The following RBFOX3 variants were observed in gnomAD, a reference collection of about 807,000 sequenced individuals.
The protein encoded by RBFOX3 is RNA binding protein fox-1 homolog 3.
RBFOX3 carries 17 observed loss-of-function variants against 48.7 expected under a neutral mutation model. The observed-to-expected ratio is 0.35, with a 90% confidence interval of 0.24 to 0.52. The LOEUF is 0.52. Among genes scored for constraint, RBFOX3 ranks in the 20% least tolerant of loss-of-function variants. The pLI is 0.94. For synonymous variants in RBFOX3, 212 were observed against 209.5 expected (o/e 1.01, Z -0.10); for missense variants, 382 against 497.5 (o/e 0.77, Z 2.21).
intron 11 of RBFOX3, 74 bp from the exon 12 acceptor site, chr17:79,096,907 C>T: frequency 1.6e-6 from 1 of 611,544 alleles, no homozygotes; most frequent in South Asian, 1.9e-5. Flanking sequence ...GGGCCCATAG[C>T]CCACCCGACC....
At chr17:79,585,308 C>A (rs1242594707) in intron 1 of RBFOX3, among the ~76,000 whole-genome samples, 2 of 151,976 alleles carry the variant, frequency 1.3e-5, no homozygotes, top group Non-Finnish European at 2.9e-5. Context: ...GTAATCCCAG[C>A]AATCTGGGAG....
chr17:79,153,867 C>T (rs1408695080), intron 4 of RBFOX3, among the ~76,000 whole-genome samples: 1 of 152,170 alleles, frequency 6.6e-6, no homozygotes, highest in Non-Finnish European at 1.5e-5. Context: ...GGCCTGAGCC[C>T]CGGCTGCCCA....
At chr17:79,275,199 C>G (rs2068560935) in intron 3 of RBFOX3, among the ~76,000 whole-genome samples, 1 of 89,072 alleles carries the variant, frequency 1.1e-5, no homozygotes, top group African/African-American at 4.9e-5. Context: ...ATGCTCCTCC[C>G]CTGGCCTCAT....
At chr17:79,520,291 AG>A (rs2085874413) in intron 1 of RBFOX3, among the ~76,000 whole-genome samples, 1 of 152,196 alleles carries the variant, frequency 6.6e-6, no homozygotes, top group Non-Finnish European at 1.5e-5. Context: ...GGTGGGACGC[AG>A]GCTGCTCCCC....
At chr17:79,517,607 G>A (rs2085442434) in intron 1 of RBFOX3, among the ~76,000 whole-genome samples, 2 of 152,084 alleles carry the variant, frequency 1.3e-5, no homozygotes, top group African/African-American at 4.8e-5. Flanking sequence ...ACTCAGCAGG[G>A]AGAGAGATTG....
chr17:79,552,694 G>A (rs1327583962), intron 1 of RBFOX3, among the ~76,000 whole-genome samples: 1 of 152,172 alleles, frequency 6.6e-6, no homozygotes, highest in East Asian at 1.9e-4. Flanking sequence ...GTTTATCGAG[G>A]TGTAAAAAAT....
At chr17:79,322,591 G>A (rs2078694607) in intron 2 of RBFOX3, among the ~76,000 whole-genome samples, 1 of 152,216 alleles carries the variant, frequency 6.6e-6, no homozygotes, top group Non-Finnish European at 1.5e-5. Flanking sequence ...CAAAGGCAAT[G>A]GTGGCCAAGC....
chr17:79,336,260 G>A (rs570609074), intron 2 of RBFOX3, among the ~76,000 whole-genome samples: 4 of 152,098 alleles, frequency 2.6e-5, no homozygotes, highest in East Asian at 3.9e-4. Flanking sequence ...GGTGGTATAC[G>A]TCTGTACTCC....
chr17:79,631,771 G>A, the RBFOX3 span, among the ~76,000 whole-genome samples: 3,179 of 152,280 alleles, frequency 0.021, 98 homozygotes, highest in African/African-American at 0.062. Flanking sequence ...CCATCTTCAC[G>A]GGCCTAGCTC....
intron 4 of RBFOX3, among the ~76,000 whole-genome samples, chr17:79,165,586 C>A (rs986205378): frequency 3.3e-5 from 5 of 152,254 alleles, no homozygotes; most frequent in Non-Finnish European, 7.3e-5. Flanking sequence ...AAATCCCATT[C>A]TCAGTGCTCT....
intron 2 of RBFOX3, among the ~76,000 whole-genome samples, chr17:79,323,196 G>C (rs1259867329): frequency 6.6e-6 from 1 of 152,208 alleles, no homozygotes; most frequent in African/African-American, 2.4e-5. Context: ...TGATGCTGGT[G>C]AAAGACACAG....
chr17:79,660,817 GATAC>G, the RBFOX3 span, among the ~76,000 whole-genome samples: 1 of 152,180 alleles, frequency 6.6e-6, no homozygotes, highest in Non-Finnish European at 1.5e-5. Context: ...CTATTATAAA[GATAC>G]ATGCACGTGT....
intron 2 of RBFOX3, among the ~76,000 whole-genome samples, chr17:79,468,660 T>A (rs2076636706): frequency 6.8e-6 from 1 of 146,552 alleles, no homozygotes; most frequent in Non-Finnish European, 1.5e-5. Flanking sequence ...GATGAATGGA[T>A]GGATGGATAG....
Position 79,582,739 on chromosome 17 carries a change from C to A in RBFOX3, c.-320+28087G>T, listed in dbSNP as rs997382022. 7.3e-4 allele frequency among the ~76,000 whole-genome samples: 105 copies of A among 143,266 alleles called. No homozygotes were observed. The East Asian group carries it at 0.019, about 25-fold the overall frequency. The allele number at this position is 143,266 out of a possible 152,430, so 94.0% of individuals were successfully genotyped here. A position where few individuals can be genotyped will look rare whatever the true frequency, so the allele number is the denominator to read the frequency against. On this transcript the variant is annotated intron_variant, in intron 1 of 14. Transcript: ENST00000693108. Reference sequence around the variant, plus strand: ...TTGAGGCTACAGTGAGCCATGATCGCGCCACTGCACTCCAGCCTGGGAGAC... The same window carrying A: ...TTGAGGCTACAGTGAGCCATGATCGAGCCACTGCACTCCAGCCTGGGAGAC...
chr17:79,619,836 A>T, the RBFOX3 span, among the ~76,000 whole-genome samples: 2 of 152,136 alleles, frequency 1.3e-5, no homozygotes, highest in Non-Finnish European at 2.9e-5. Flanking sequence ...CCTCTACTGG[A>T]AAACATCCTT....
At chr17:79,277,279 C>A (rs9900179) in intron 3 of RBFOX3, among the ~76,000 whole-genome samples, 11 of 91,600 alleles carry the variant, frequency 1.2e-4, no homozygotes, top group Middle Eastern at 4.3e-3. Context: ...GCCTCCAAGG[C>A]CTCCAAGGAT....
rs1600220322 is a variant in RBFOX3 at position 79,249,628 on chromosome 17, T to C, written c.-73-13823A>G. ...GTACAGACAATCAGATCCAGCCCCA[T>C]AGCCCAGAGCTCACTGAAATGATCC... On this transcript the variant is annotated intron_variant, in intron 3 of 14. Transcript: ENST00000693108. The surrounding 1 kb of genome is among the most constrained non-coding windows in gnomAD (Gnocchi z 4.1). Among the ~76,000 whole-genome samples, 4 of 152,156 alleles carry C rather than the reference T, an allele frequency of 2.6e-5. 1 individual carries two copies. The highest frequency in any genetic ancestry group is 2.6e-4 in the Admixed American group (4 of 15,284).
In RBFOX3 at chr17:79,390,716, A is replaced by G. The variant is rs1010020029; in HGVS notation, c.-174-82892T>C. On this transcript the variant is annotated intron_variant, in intron 2 of 14. Coordinates refer to ENST00000693108, the MANE Select transcript of RBFOX3 (RefSeq NM_001350451.2). The surrounding 1 kb of genome is among the most constrained non-coding windows in gnomAD (Gnocchi z 4.2). ...GGTCTCGAACTCCTTATCTCAGACA[A>G]TCTGCCCGTCTCGGCCTCCCAACGC... Among the ~76,000 whole-genome samples the G allele has an allele frequency of 6.6e-6, 1 of 152,152 alleles. No individual in the cohort carries two copies. The highest frequency in any genetic ancestry group is 1.5e-5 in the Non-Finnish European group (1 of 68,002).
chr17:79,138,024 C>A (rs564483775), intron 4 of RBFOX3, among the ~76,000 whole-genome samples: 65 of 152,198 alleles, frequency 4.3e-4, no homozygotes, highest in Non-Finnish European at 7.5e-4. Flanking sequence ...GGCAGCCCGC[C>A]CCCGCCAAGC....
Sources: gnomAD v4.1 joint callset for allele counts (sites outside exome capture counted in the v4.1 genomes callset) on GRCh38, gnomAD v4.1.1 for gene constraint, Gnocchi (gnomAD v3.1) non-coding constraint, MANE v1.5 for transcripts, NCBI Gene and HGNC (gene_info 2026-07-23, HGNC 2026-07-21) for gene names.